Variants in GUCY1A2 observed in about 807,000 individuals in gnomAD.
GUCY1A2 encodes the protein guanylate cyclase soluble subunit alpha-2.
In GUCY1A2, 27 loss-of-function variants were observed where a neutral mutation model predicts 63.5. The observed-to-expected ratio is 0.43, with a 90% CI of 0.31 to 0.59. The LOEUF is 0.59. GUCY1A2 is among the 20% of genes least tolerant of loss of function. GUCY1A2 has a pLI of 0.11. For synonymous variants in GUCY1A2, 364 were observed against 343.5 expected, an observed-to-expected ratio of 1.06 and a Z score of -0.66; for missense variants, 768 against 913.3, an observed-to-expected ratio of 0.84 and a Z score of 2.05.
At chr11:106,768,968 AG>A in intron 6 of GUCY1A2, among the ~76,000 whole-genome samples, 1 of 152,152 alleles carries the variant, frequency 6.6e-6, no homozygotes, top group Admixed American at 6.6e-5. Flanking sequence ...GAGGTGAACC[AG>A]AAGTAGACAG....
intron 3 of GUCY1A2, among the ~76,000 whole-genome samples, chr11:106,942,138 G>C (rs1015441861): frequency 2.0e-5 from 3 of 152,114 alleles, no homozygotes; most frequent in African/African-American, 7.2e-5. Context: ...CTGCTCTGTT[G>C]AAACTGCTTT....
At chr11:106,879,231 G>T (rs1298497307) in intron 4 of GUCY1A2, among the ~76,000 whole-genome samples, 2 of 152,044 alleles carry the variant, frequency 1.3e-5, no homozygotes, top group Non-Finnish European at 2.9e-5. Flanking sequence ...TTTGTCCTAT[G>T]TGTGTTTATT....
At chr11:106,760,055 C>T (rs1052346573) in intron 6 of GUCY1A2, among the ~76,000 whole-genome samples, 1 of 152,096 alleles carries the variant, frequency 6.6e-6, no homozygotes. Flanking sequence ...AGTAGAGAGA[C>T]CTGGACAGCT....
intron 2 of GUCY1A2, among the ~76,000 whole-genome samples, 200 bp downstream of exon 2, chr11:106,985,870 A>G (rs1165267507): frequency 3.9e-5 from 6 of 152,214 alleles, no homozygotes; most frequent in Admixed American, 3.3e-4. Flanking sequence ...AATTTCATTT[A>G]AAAGAATTAA....
chr11:106,784,170 G>A (rs966825107), intron 5 of GUCY1A2, among the ~76,000 whole-genome samples: 4 of 151,998 alleles, frequency 2.6e-5, no homozygotes, highest in African/African-American at 9.7e-5. Flanking sequence ...CACCTCCGCT[G>A]CTTTCCTCCC....
rs188688697 is a variant in GUCY1A2 at position 106,854,327 on chromosome 11, T to A, written c.1207-43849A>T. Among the ~76,000 whole-genome samples the A allele has an allele frequency of 3.3e-3, 507 of 152,208 alleles. 12 individuals carry two copies. The highest frequency in any genetic ancestry group is 3.4e-3 in the Middle Eastern group (1 of 294). On this transcript the variant is annotated intron_variant, in intron 4 of 7. Coordinates refer to ENST00000526355, the MANE Select transcript of GUCY1A2 (RefSeq NM_000855.3). ...TAGGATCTTGGATGGAATGCCTAGA[T>A]GAGGAGTACAGCAGCAGGTTGAGTG...
chr11:106,966,398 G>A (rs781303119), intron 3 of GUCY1A2, among the ~76,000 whole-genome samples: 6 of 152,102 alleles, frequency 3.9e-5, no homozygotes, highest in Non-Finnish European at 7.4e-5. Flanking sequence ...ATGAGCCACC[G>A]CGCCCGGCCC....
intron 5 of GUCY1A2, among the ~76,000 whole-genome samples, chr11:106,786,537 T>C (rs1028412465): frequency 6.6e-6 from 1 of 152,224 alleles, no homozygotes; most frequent in Non-Finnish European, 1.5e-5. Flanking sequence ...TGCACAGGAA[T>C]GTCCATCGTG....
chr11:106,940,010 G>A lies in GUCY1A2; in HGVS notation c.656C>T (p.Thr219Ile). 1.5e-5 allele frequency: 24 copies of A among 1,614,062 alleles called. No homozygotes were observed. The highest frequency in any genetic ancestry group is 1.9e-5 in the Non-Finnish European group (23 of 1,179,980). Reference protein sequence around the residue: ...HIRTSFGKQATLESPSFLCKE... With the variant: ...HIRTSFGKQAILESPSFLCKE... Reference sequence around the variant, plus strand: ...GCATAGGAAAGATGGTGACTCCAGAGTGGCCTGTTTTCCAAAAGAAGTTCT... The same window carrying A: ...GCATAGGAAAGATGGTGACTCCAGAATGGCCTGTTTTCCAAAAGAAGTTCT... The change falls in exon 4 of 8, where the codon ACT becomes ATT. Residue 219 changes from threonine to isoleucine, a missense_variant. By Grantham distance (89) the Thr-to-Ile change is moderately conservative. Transcript: ENST00000526355.
intron 4 of GUCY1A2, among the ~76,000 whole-genome samples, chr11:106,890,542 T>C (rs1859959822): frequency 6.6e-6 from 1 of 152,212 alleles, no homozygotes; most frequent in African/African-American, 2.4e-5. Context: ...TTCACGATTC[T>C]GACTTCTTCC....
intron 4 of GUCY1A2, among the ~76,000 whole-genome samples, chr11:106,892,197 T>A (rs1270347567): frequency 6.6e-6 from 1 of 152,126 alleles, no homozygotes; most frequent in African/African-American, 2.4e-5. Flanking sequence ...AAAAATTATT[T>A]ATTTATTGTT....
chr11:106,777,491 T>C (rs552934100), intron 5 of GUCY1A2, among the ~76,000 whole-genome samples: 1 of 149,024 alleles, frequency 6.7e-6, no homozygotes, highest in South Asian at 2.1e-4. Context: ...CATGGAATAC[T>C]ATGCAGCCAT....
chr11:106,724,312 A>C (rs1863366740), intron 6 of GUCY1A2, among the ~76,000 whole-genome samples: 1 of 152,212 alleles, frequency 6.6e-6, no homozygotes, highest in Non-Finnish European at 1.5e-5. Flanking sequence ...TCTACTTCTC[A>C]AGTTAAAAGG....
chr11:106,687,486 C>G lies in GUCY1A2; in HGVS notation c.*63G>C, dbSNP rs993820994. On this transcript the variant is annotated 3_prime_UTR_variant, in exon 8 of 8. Transcript: ENST00000526355. The stretch of plus-strand genomic sequence containing the variant: ...AAAGAGACACAATCTCTTTCCACCC[C>G]CCATTGGTGACCCATGTTCTGGGCT... The G allele has an allele frequency of 1.1e-5, 13 of 1,163,940 alleles. No homozygotes were observed. Among genetic ancestry groups the G allele is most frequent in the African/African-American group, 6.1e-5 (4 of 65,934 alleles). The allele number at this position is 1,163,940 out of a possible 1,614,324, so 72.1% of individuals were successfully genotyped here.
chr11:106,751,676 T>C (rs1345992806), intron 6 of GUCY1A2, among the ~76,000 whole-genome samples: 1 of 152,178 alleles, frequency 6.6e-6, no homozygotes, highest in African/African-American at 2.4e-5. Context: ...ATTTTTATTT[T>C]AAAATATAAA....
chr11:106,995,746 TA>T (rs1861526234), intron 1 of GUCY1A2, among the ~76,000 whole-genome samples: 1 of 152,218 alleles, frequency 6.6e-6, no homozygotes, highest in African/African-American at 2.4e-5. Context: ...TGACCATGTC[TA>T]ACATCTAGGA....
intron 3 of GUCY1A2, among the ~76,000 whole-genome samples, chr11:106,965,170 T>C (rs552008987): frequency 1.3e-5 from 2 of 152,028 alleles, no homozygotes; most frequent in East Asian, 3.9e-4. Flanking sequence ...TGCAACATGG[T>C]AAAAAGAGCG....
intron 4 of GUCY1A2, among the ~76,000 whole-genome samples, chr11:106,897,834 T>C (rs1169000267): frequency 6.6e-6 from 1 of 152,056 alleles, no homozygotes; most frequent in Non-Finnish European, 1.5e-5. Flanking sequence ...AGGCATGATG[T>C]ATTTAAAAAA....
intron 3 of GUCY1A2, among the ~76,000 whole-genome samples, chr11:106,953,081 T>G (rs974613309): frequency 2.0e-5 from 3 of 152,222 alleles, no homozygotes; most frequent in Admixed American, 6.5e-5. Flanking sequence ...ATAGGAGTGG[T>G]GAGAGAGGGC....
Sources: gnomAD v4.1 joint callset for allele counts (sites outside exome capture counted in the v4.1 genomes callset) on GRCh38, gnomAD v4.1.1 for gene constraint, MANE v1.5 for transcripts, NCBI Gene and HGNC (gene_info 2026-07-23, HGNC 2026-07-21) for gene names.